Variants in WDFY4 observed in about 807,000 individuals in gnomAD.
WDFY4 encodes WD repeat- and FYVE domain-containing protein 4.
WDFY4 carries 169 observed loss-of-function variants against 351.9 expected under a neutral mutation model. That is an observed-to-expected ratio of 0.48 (90% CI 0.42 to 0.55). The LOEUF is 0.55. WDFY4 is among the 20% of genes least tolerant of loss of function. The pLI, the probability that WDFY4 is intolerant of heterozygous loss-of-function variation, is 0.00. For synonymous variants in WDFY4, 1,622 were observed against 1,574.6 expected, an observed-to-expected ratio of 1.03 and a Z score of -0.71; for missense variants, 3,803 against 3,935.6, an observed-to-expected ratio of 0.97 and a Z score of 0.90.
intron 53 of WDFY4, among the ~76,000 whole-genome samples, chr10:48,962,062 T>C (rs1378564454): frequency 6.6e-6 from 1 of 152,110 alleles, no homozygotes; most frequent in Non-Finnish European, 1.5e-5. Flanking sequence ...TATGTGTTGG[T>C]TAGCAAGAGG....
At chr10:48,721,050 G>A (rs1450289988) in intron 3 of WDFY4, among the ~76,000 whole-genome samples, 1 of 152,196 alleles carries the variant, frequency 6.6e-6, no homozygotes, top group East Asian at 1.9e-4. Flanking sequence ...AACGGGGACG[G>A]TGGCACAAAA....
rs1158419369 is a variant in WDFY4, at chr10:48,788,556, C to G, written c.3835C>G (p.Pro1279Ala). The change falls in exon 21 of 62, where the codon CCC becomes GCC. Residue 1279 changes from proline (P) to alanine (A), a missense_variant. Transcript: ENST00000325239. ...QGEDLDSEAT[P>A]FVAEERVSFG... ...GGAGGACCTGGACAGTGAAGCCACG[C>G]CCTTTGTTGCAGAAGAAAGAGTTTC... is the stretch of plus-strand genomic sequence containing the variant. 6.4e-7 allele frequency: 1 copy of G among 1,551,972 alleles called. No individual in the cohort carries two copies. Among genetic ancestry groups the G allele is most frequent in the East Asian group, 2.4e-5 (1 of 40,942 alleles).
chr10:48,906,811 GA>G (rs1012515230), intron 47 of WDFY4, among the ~76,000 whole-genome samples: 3 of 152,098 alleles, frequency 2.0e-5, no homozygotes, highest in African/African-American at 7.2e-5. Flanking sequence ...CTTTAAAGGG[GA>G]AAAAATAGGT....
intron 47 of WDFY4, chr10:48,913,264 T>G: frequency 2.3e-6 from 2 of 861,668 alleles, no homozygotes; most frequent in South Asian, 1.7e-5. Context: ...AGGAAAGGAG[T>G]TTTATGGGCT....
chr10:48,846,239 A>T (rs904283466), intron 39 of WDFY4, among the ~76,000 whole-genome samples: 4 of 152,084 alleles, frequency 2.6e-5, no homozygotes, highest in African/African-American at 9.7e-5. Context: ...AGGCAGGCCC[A>T]CTTCCATATT....
chr10:48,814,914 T>A (rs1458690013), intron 31 of WDFY4, among the ~76,000 whole-genome samples: 1 of 152,212 alleles, frequency 6.6e-6, no homozygotes, highest in East Asian at 1.9e-4. Flanking sequence ...TGCCTTTTTT[T>A]CCTCAATATT....
At chr10:48,887,315 C>T (rs1332432770) in intron 43 of WDFY4, among the ~76,000 whole-genome samples, 1 of 152,210 alleles carries the variant, frequency 6.6e-6, no homozygotes, top group Non-Finnish European at 1.5e-5. Context: ...GTCTCTGAGT[C>T]TCATCTGGGA....
intron 36 of WDFY4, 65 bp from the exon 37 acceptor site, chr10:48,828,713 C>A (rs1369561060): frequency 4.2e-6 from 4 of 948,086 alleles, no homozygotes; most frequent in Non-Finnish European, 6.3e-6. Flanking sequence ...TAATAAAGAA[C>A]AATAGAATGG....
chr10:48,975,991 A>T (rs986560256), intron 58 of WDFY4, among the ~76,000 whole-genome samples: 8 of 152,146 alleles, frequency 5.3e-5, no homozygotes, highest in African/African-American at 1.9e-4. Context: ...GTGTCCCTAG[A>T]CCCCAGAGAA....
At chr10:48,934,186 T>C (rs905138728) in intron 47 of WDFY4, among the ~76,000 whole-genome samples, 1 of 152,356 alleles carries the variant, frequency 6.6e-6, no homozygotes, top group Non-Finnish European at 1.5e-5. Flanking sequence ...TGTTGTTCCA[T>C]ACTTGGTTCA....
intron 24 of WDFY4, among the ~76,000 whole-genome samples, chr10:48,800,343 C>A (rs576972314): frequency 6.6e-6 from 1 of 152,074 alleles, no homozygotes; most frequent in East Asian, 1.9e-4. Context: ...ACAGGAGAAA[C>A]GGTGGGATCC....
rs1457748494 is a variant in WDFY4 at position 48,974,846 on chromosome 10, G to A, written c.8929-16G>A. On this transcript the variant is annotated splice_polypyrimidine_tract_variant and intron_variant, in intron 57 of 61. Transcript: ENST00000325239. ...ATTGAGGGTCCCTCTCCTAACCTGT[G>A]AGTCTCTGTCCCCAGGCCTTGTATG... 1 of 1,524,370 alleles carries A rather than the reference G, an allele frequency of 6.6e-7. No homozygotes were observed. The highest frequency in any genetic ancestry group is 8.8e-7 in the Non-Finnish European group (1 of 1,131,174). 94.4% of individuals were successfully genotyped at this position (1,524,370 alleles called of 1,614,324 possible).
chr10:48,975,198 A>G, intron 58 of WDFY4, 157 bp downstream of exon 58: 1 of 944,674 alleles, frequency 1.1e-6, no homozygotes, highest in Non-Finnish European at 1.6e-6. Flanking sequence ...TCTCACTTGT[A>G]GCACCCAGGT....
At chr10:48,913,323 G>A in intron 47 of WDFY4, 1 of 1,469,608 alleles carries the variant, frequency 6.8e-7, no homozygotes, top group South Asian at 1.2e-5. Context: ...GTTTCCTGTG[G>A]AGGTAGCCCA....
intron 44 of WDFY4, among the ~76,000 whole-genome samples, chr10:48,891,528 G>T (rs12773666): frequency 2.6e-5 from 4 of 152,164 alleles, no homozygotes; most frequent in Non-Finnish European, 4.4e-5. Context: ...AGAGTTCTTC[G>T]TGCAGAGATA....
chr10:48,904,948 C>A (rs1837541125), intron 47 of WDFY4, among the ~76,000 whole-genome samples: 1 of 152,172 alleles, frequency 6.6e-6, no homozygotes, highest in African/African-American at 2.4e-5. Flanking sequence ...GGTGGCCACA[C>A]ATGGTTCCAC....
At chr10:48,846,497 A>C (rs147515355) in intron 39 of WDFY4, among the ~76,000 whole-genome samples, 1 of 152,234 alleles carries the variant, frequency 6.6e-6, no homozygotes, top group African/African-American at 2.4e-5. Context: ...GGGTTTGCAC[A>C]GGGCCTGAAC....
intron 37 of WDFY4, 27 bp downstream of exon 37, chr10:48,828,923 T>TGTGGGGG (rs763409844): frequency 6.0e-4 from 3 of 5,020 alleles, no homozygotes; most frequent in South Asian, 3.3e-3. Flanking sequence ...ATTGTGTGTG[T>TGTGGGGG]GGGCGGGGGG....
chr10:48,780,044 G>A lies in WDFY4; in HGVS notation c.3501G>A (p.Val1167=). ...LACGQWHHLA[V]VVTKEMKRHC... ...GTGGTCAGTGGCATCACTTGGCTGT[G>A]GTTGTCACTAAGGAAATGAAAAGGC... is the stretch of plus-strand genomic sequence containing the variant. Residue 1167 remains valine, a synonymous_variant, in exon 19 of 62, where the codon GTG becomes GTA. Coordinates refer to ENST00000325239, the MANE Select transcript of WDFY4 (RefSeq NM_001394531.1). 1 of 1,551,944 alleles carries A rather than the reference G, an allele frequency of 6.4e-7. No individual in the cohort carries two copies. Among genetic ancestry groups the A allele is most frequent in the Non-Finnish European group, 8.7e-7 (1 of 1,147,062 alleles).
Sources: allele counts gnomAD v4.1 joint callset (sites outside exome capture counted in the v4.1 genomes callset), GRCh38; gene constraint gnomAD v4.1.1; transcripts MANE v1.5; gene names NCBI Gene and HGNC (gene_info 2026-07-23, HGNC 2026-07-21).